The following CSMD1 variants were observed in gnomAD, a reference collection of about 807,000 sequenced individuals.
CSMD1 encodes the protein CUB and Sushi multiple domains 1, also known as CUB and sushi domain-containing protein 1.
In CSMD1, 213 loss-of-function variants were observed where a neutral mutation model predicts 417.5. The ratio of observed to expected loss-of-function variants is 0.51; its 90% CI spans 0.46 to 0.57. The LOEUF is 0.57. Ranked by LOEUF, CSMD1 falls within the 20% of genes least tolerant of loss-of-function variation. The pLI, the probability that CSMD1 is intolerant of heterozygous loss-of-function variation, is 0.00. For missense variants in CSMD1, 6,923 were observed against 4,529.7 expected, an observed-to-expected ratio of 1.53 and a Z score of -15.17; for synonymous variants, 2,862 against 1,736.8, an observed-to-expected ratio of 1.65 and a Z score of -16.11.
chr8:4,062,954 A>T (rs569283667), intron 3 of CSMD1, among the ~76,000 whole-genome samples: 74 of 152,294 alleles, frequency 4.9e-4, no homozygotes, highest in African/African-American at 1.8e-3. Context: ...GCTGTTAACA[A>T]CATCATCCAG....
intron 27 of CSMD1, among the ~76,000 whole-genome samples, chr8:3,226,525 T>C (rs1798513563): frequency 6.9e-6 from 1 of 143,984 alleles, no homozygotes; most frequent in Non-Finnish European, 1.5e-5. Flanking sequence ...GAGGCTGCAG[T>C]GAGCTGAGAT....
intron 5 of CSMD1, among the ~76,000 whole-genome samples, chr8:3,800,534 T>C (rs552253649): frequency 4.6e-5 from 7 of 152,220 alleles, no homozygotes; most frequent in Non-Finnish European, 7.4e-5. Flanking sequence ...TCAAAGGAGA[T>C]CATAGAGGTA....
intron 11 of CSMD1, among the ~76,000 whole-genome samples, chr8:3,490,781 A>T (rs1183544466): frequency 1.3e-5 from 2 of 152,170 alleles, no homozygotes; most frequent in East Asian, 1.9e-4. Flanking sequence ...AAAGGCAGGC[A>T]GTGTGTGCGA....
chr8:4,764,813 C>T (rs1254022078), intron 1 of CSMD1, among the ~76,000 whole-genome samples: 3 of 134,174 alleles, frequency 2.2e-5, no homozygotes, highest in Admixed American at 8.7e-5. Flanking sequence ...GCAGAGCTTG[C>T]GGTGAGCAGA....
chr8:4,528,767 C>A (rs552711202), intron 2 of CSMD1, among the ~76,000 whole-genome samples: 2 of 138,018 alleles, frequency 1.4e-5, no homozygotes, highest in African/African-American at 5.6e-5. Flanking sequence ...TGAATTTTCA[C>A]ATAAGAGCTC....
At chr8:4,512,381 G>C (rs928909187) in intron 2 of CSMD1, among the ~76,000 whole-genome samples, 1 of 152,102 alleles carries the variant, frequency 6.6e-6, no homozygotes, top group Non-Finnish European at 1.5e-5. Flanking sequence ...CAGGAAACAA[G>C]GCACAAATGT....
intron 3 of CSMD1, among the ~76,000 whole-genome samples, chr8:4,142,297 C>A (rs1042831298): frequency 1.3e-5 from 2 of 151,070 alleles, no homozygotes; most frequent in Non-Finnish European, 2.9e-5. Context: ...TTTCATGCTC[C>A]CAAAGATTTG....
At chr8:4,323,870 C>G (rs928497778) in intron 3 of CSMD1, among the ~76,000 whole-genome samples, 5 of 152,148 alleles carry the variant, frequency 3.3e-5, no homozygotes, top group Admixed American at 2.6e-4. Context: ...AAGGCAACTT[C>G]TATGAAGAAA....
intron 50 of CSMD1, among the ~76,000 whole-genome samples, chr8:3,038,174 G>C (rs1156238126): frequency 6.6e-6 from 1 of 152,142 alleles, no homozygotes; most frequent in Non-Finnish European, 1.5e-5. Context: ...AACCAGCCAT[G>C]GAATCTGATC....
chr8:3,435,608 G>C (rs1814508875), intron 12 of CSMD1, among the ~76,000 whole-genome samples: 1 of 152,030 alleles, frequency 6.6e-6, no homozygotes, highest in South Asian at 2.1e-4. Context: ...CTCCAACCTA[G>C]CGACCTTGAT....
chr8:4,509,934 C>A (rs1802726186), intron 2 of CSMD1, among the ~76,000 whole-genome samples: 1 of 152,046 alleles, frequency 6.6e-6, no homozygotes, highest in Non-Finnish European at 1.5e-5. Context: ...TATATGAAAG[C>A]CTTAAATCAC....
chr8:4,232,440 C>T (rs552293624), intron 3 of CSMD1, among the ~76,000 whole-genome samples: 3 of 152,158 alleles, frequency 2.0e-5, no homozygotes. Context: ...CTCAGGTGAT[C>T]TGCCCACCTC....
intron 50 of CSMD1, among the ~76,000 whole-genome samples, chr8:3,043,232 T>G (rs537828641): frequency 3.3e-5 from 5 of 150,664 alleles, no homozygotes; most frequent in Admixed American, 2.0e-4. Context: ...AGATATGACC[T>G]AGTACTGTAG....
At chr8:4,758,988 C>G (rs75625290) in intron 1 of CSMD1, among the ~76,000 whole-genome samples, 12 of 145,722 alleles carry the variant, frequency 8.2e-5, no homozygotes, top group African/African-American at 3.2e-4. Context: ...CATTGCATGA[C>G]TTTGTAAGAA....
intron 5 of CSMD1, among the ~76,000 whole-genome samples, chr8:3,789,428 GTTTT>G (rs200174086): frequency 4.7e-5 from 4 of 84,918 alleles, no homozygotes; most frequent in Admixed American, 1.4e-4. Context: ...TTTAAGTAGT[GTTTT>G]TTTTTAAGTG....
rs576117732 is a variant in CSMD1, at chr8:4,382,939, T to G, written c.415+37014A>C. 4.6e-5 allele frequency among the ~76,000 whole-genome samples: 7 copies of G among 152,294 alleles called. No homozygotes were observed. In the East Asian group the frequency reaches 7.7e-4, roughly 17 times the overall value. ...AGTGGGAAGGTGTACATTCATTTTA[T>G]CACCTAAGCTGCATATACAGGGGAT... On this transcript the variant is annotated intron_variant, in intron 3 of 69. Transcript: ENST00000635120.
At chr8:4,319,046 T>G (rs902273361) in intron 3 of CSMD1, among the ~76,000 whole-genome samples, 24 of 152,192 alleles carry the variant, frequency 1.6e-4, no homozygotes, top group Admixed American at 9.2e-4. Flanking sequence ...ACTCCTTGTT[T>G]GACCAAATAA....
chr8:3,223,201 T>A (rs984290330), intron 28 of CSMD1, among the ~76,000 whole-genome samples: 3 of 152,194 alleles, frequency 2.0e-5, no homozygotes, highest in African/African-American at 7.2e-5. Flanking sequence ...ATCGTCTAGT[T>A]TAGCAAGTAC....
At chr8:3,171,466 G>A (rs924972856) in intron 37 of CSMD1, among the ~76,000 whole-genome samples, 7 of 152,176 alleles carry the variant, frequency 4.6e-5, no homozygotes, top group Non-Finnish European at 7.3e-5. Flanking sequence ...TCAAAAGTAT[G>A]ACAGGACTGA....
Sources: allele counts gnomAD v4.1 joint callset (sites outside exome capture counted in the v4.1 genomes callset), GRCh38; gene constraint gnomAD v4.1.1; transcripts MANE v1.5; gene names NCBI Gene and HGNC (gene_info 2026-07-23, HGNC 2026-07-21).